The following PAM variants were observed in gnomAD, a reference collection of about 807,000 sequenced individuals.
PAM encodes the protein peptidyl-glycine alpha-amidating monooxygenase.
Under a neutral mutation model 122.1 loss-of-function variants are expected in PAM, and 72 were observed. The observed-to-expected ratio is 0.59, with a 90% CI of 0.49 to 0.72. PAM has a LOEUF of 0.72. Among genes scored for constraint, PAM ranks in the 30% least tolerant of loss-of-function variants. The pLI is 0.00. For missense variants in PAM, 1,106 were observed against 1,183.7 expected, an observed-to-expected ratio of 0.93 and a Z score of 0.96; for synonymous variants, 389 against 404.4, an observed-to-expected ratio of 0.96 and a Z score of 0.46.
chr5:102,866,071 G>T lies in PAM; in HGVS notation c.-125G>T. ...CGCTGGCGGATGGTGTGTGGCCGCC[G>T]CAGGACGCCCGCCGTGCCCGGGCCA... On this transcript the variant is annotated 5_prime_UTR_variant, in exon 2 of 26. Transcript: ENST00000438793. 1.8e-6 allele frequency: 1 copy of T among 550,902 alleles called. No homozygotes were observed. Among genetic ancestry groups the T allele is most frequent in the Non-Finnish European group, 3.1e-6 (1 of 323,626 alleles). The allele number at this position is 550,902 out of a possible 1,614,324, so 34.1% of individuals were successfully genotyped here. A position where few individuals can be genotyped will look rare whatever the true frequency, so the allele number is the denominator to read the frequency against.
intron 24 of PAM, 105 bp downstream of exon 24, chr5:103,025,439 T>TA: frequency 2.1e-6 from 2 of 954,640 alleles, no homozygotes; most frequent in South Asian, 1.4e-5. Context: ...TATTTGTTTT[T>TA]TTGTTTTTAA....
intron 1 of PAM, among the ~76,000 whole-genome samples, chr5:102,780,810 TC>T (rs1758664422): frequency 2.7e-5 from 4 of 147,454 alleles, no homozygotes; most frequent in Non-Finnish European, 6.0e-5. Context: ...TTTCTTTCTT[TC>T]TTTCTTTCTT....
chr5:102,864,805 C>T (rs1224685975), intron 1 of PAM, among the ~76,000 whole-genome samples: 2 of 152,088 alleles, frequency 1.3e-5, no homozygotes, highest in Admixed American at 6.6e-5. Flanking sequence ...TTTGGAAGTA[C>T]AGTATTTTTA....
intron 15 of PAM, among the ~76,000 whole-genome samples, chr5:102,979,047 C>G (rs889170260): frequency 2.0e-5 from 3 of 151,252 alleles, no homozygotes; most frequent in African/African-American, 4.9e-5. Flanking sequence ...CACACACACA[C>G]ACACACACAC....
intron 1 of PAM, among the ~76,000 whole-genome samples, chr5:102,818,945 A>T (rs1198461080): frequency 1.3e-5 from 2 of 152,182 alleles, no homozygotes; most frequent in African/African-American, 4.8e-5. Flanking sequence ...AAACTTAAAA[A>T]CATAACGAAC....
At chr5:102,859,017 A>G (rs1205649291) in intron 1 of PAM, among the ~76,000 whole-genome samples, 2 of 151,884 alleles carry the variant, frequency 1.3e-5, no homozygotes, top group East Asian at 3.9e-4. Flanking sequence ...CTACTGCCCT[A>G]CCAGTCACAT....
At chr5:102,792,391 T>G (rs1762266084) in intron 1 of PAM, among the ~76,000 whole-genome samples, 2 of 152,226 alleles carry the variant, frequency 1.3e-5, no homozygotes, top group Admixed American at 6.5e-5. Context: ...AAAACAAACA[T>G]TTACCATGTT....
intron 1 of PAM, among the ~76,000 whole-genome samples, chr5:102,776,119 G>T (rs761648775): frequency 1.3e-5 from 2 of 151,982 alleles, no homozygotes; most frequent in Non-Finnish European, 2.9e-5. Flanking sequence ...TCATATGTTT[G>T]TTGGCCACAT....
chr5:102,927,173 C>T (rs1328899850), intron 7 of PAM, among the ~76,000 whole-genome samples: 1 of 152,164 alleles, frequency 6.6e-6, no homozygotes, highest in Non-Finnish European at 1.5e-5. Context: ...CAGACCCCAG[C>T]CACCCTTTAG....
intron 17 of PAM, among the ~76,000 whole-genome samples, chr5:103,003,370 G>C (rs1777983538): frequency 1.3e-5 from 2 of 152,026 alleles, no homozygotes; most frequent in South Asian, 4.1e-4. Flanking sequence ...TCACTTATCT[G>C]TTTGCCATTT....
In PAM at chr5:102,950,749, A is replaced by T; in HGVS notation, c.834A>T (p.Val278=). The part of the protein sequence containing the change: ...AFYPVGHPVD[V]SFGDLLAARC... ...ACCCTGTGGGGCATCCAGTTGATGT[A>T]AGTTTTGGTGACCTACTGGCTGCAA... The change falls in exon 12 of 26, where the codon GTA becomes GTT. Residue 278 remains valine, a synonymous_variant. Coordinates refer to ENST00000438793, the MANE Select transcript of PAM (RefSeq NM_001177306.2). 6.2e-7 allele frequency: 1 copy of T among 1,611,514 alleles called. No homozygotes were observed. Among genetic ancestry groups the T allele is most frequent in the Non-Finnish European group, 8.5e-7 (1 of 1,177,976 alleles).
At chr5:102,924,893 T>C (rs772958107) in intron 5 of PAM, 64 bp from the exon 6 acceptor site, 10 of 872,632 alleles carry the variant, frequency 1.1e-5, no homozygotes, top group Non-Finnish European at 2.0e-5. Flanking sequence ...CCTCCCACCA[T>C]GGGGAGCAAT....
intron 7 of PAM, among the ~76,000 whole-genome samples, chr5:102,930,283 G>C (rs1751023610): frequency 6.6e-6 from 1 of 152,058 alleles, no homozygotes; most frequent in Non-Finnish European, 1.5e-5. Flanking sequence ...TGTGTTTATA[G>C]GCAATAATAA....
intron 1 of PAM, among the ~76,000 whole-genome samples, chr5:102,803,905 T>A (rs1161198505): frequency 6.6e-6 from 1 of 152,012 alleles, no homozygotes; most frequent in Non-Finnish European, 1.5e-5. Flanking sequence ...CAAAAGTATG[T>A]TTTAAGTGCA....
intron 14 of PAM, among the ~76,000 whole-genome samples, chr5:102,966,769 T>A (rs1764203854): frequency 1.3e-5 from 2 of 152,186 alleles, no homozygotes; most frequent in Non-Finnish European, 2.9e-5. Flanking sequence ...ATTTTGTCAG[T>A]GGCTAAACTG....
At chr5:102,922,091 C>T (rs893568167) in intron 5 of PAM, among the ~76,000 whole-genome samples, 1 of 151,818 alleles carries the variant, frequency 6.6e-6, no homozygotes, top group East Asian at 1.9e-4. Flanking sequence ...TAAGCTAATT[C>T]AGCTCTTTAA....
At chr5:102,758,068 A>ATTTTTT (rs1751039527) in intron 1 of PAM, among the ~76,000 whole-genome samples, 4 of 87,606 alleles carry the variant, frequency 4.6e-5, no homozygotes, top group East Asian at 3.1e-4. Context: ...AAGACTTAGA[A>ATTTTTT]TTTTGTTTTT....
Position 102,870,451 on chromosome 5 carries a change from G to T in PAM, c.210+3058G>T, listed in dbSNP as rs142273006. 8.0e-3 allele frequency among the ~76,000 whole-genome samples: 1,224 copies of T among 152,120 alleles called. 14 individuals carry two copies. The highest frequency in any genetic ancestry group is 0.027 in the African/African-American group (1,120 of 41,510). ...AAGCCTAGATTAGTGTCTTATCAAG[G>T]ATATCCAGTCATGTCAGGCCTCTGA... On this transcript the variant is annotated intron_variant, in intron 3 of 25. Coordinates refer to ENST00000438793, the MANE Select transcript of PAM (RefSeq NM_001177306.2).
At chr5:103,025,542 T>C (rs900639759) in intron 24 of PAM, among the ~76,000 whole-genome samples, 6 of 152,188 alleles carry the variant, frequency 3.9e-5, no homozygotes, top group South Asian at 2.1e-4. Flanking sequence ...GACTCTGAAA[T>C]TTGGATAGTT....
Sources: gnomAD v4.1 joint callset for allele counts (sites outside exome capture counted in the v4.1 genomes callset) on GRCh38, gnomAD v4.1.1 for gene constraint, MANE v1.5 for transcripts, NCBI Gene and HGNC (gene_info 2026-07-23, HGNC 2026-07-21) for gene names.